ARHGEF40: variants seen among roughly 807,000 people sequenced by gnomAD.
ARHGEF40 encodes the protein Rho guanine nucleotide exchange factor 40, also known as Rho guanine nucleotide exchange factor (GEF) 40.
Under a neutral mutation model 165.9 loss-of-function variants are expected in ARHGEF40, and 98 were observed. The observed-to-expected ratio is 0.59, with a 90% CI of 0.50 to 0.70. ARHGEF40 has a LOEUF of 0.70. ARHGEF40 is among the 30% of genes least tolerant of loss of function. The probability of loss-of-function intolerance (pLI) is 0.00; values close to 1 mark genes in which losing one functional copy is unlikely to be tolerated. For missense variants in ARHGEF40, 1,815 were observed against 1,968.0 expected (o/e 0.92, Z 1.47); for synonymous variants, 792 against 814.3 (o/e 0.97, Z 0.47).
chr14:21,087,294 C>CA, intron 20 of ARHGEF40, 26 bp from the exon 21 acceptor site: 1 of 1,599,030 alleles, frequency 6.3e-7, no homozygotes, highest in East Asian at 2.2e-5. Flanking sequence ...ACCAGCACCC[C>CA]ACCCCCCACT....
Position 21,087,469 on chromosome 14 carries a change from G to A in ARHGEF40, c.4387+6G>A. ...CGTCAAGCAAATTTCCCTGGGTGAG[G>A]CACCTCTCAAGGGGTGGCTCCCAAC... is the stretch of plus-strand genomic sequence containing the variant. On this transcript the variant is annotated splice_donor_region_variant and intron_variant, in intron 21 of 23. Coordinates refer to ENST00000298694, the MANE Select transcript of ARHGEF40 (RefSeq NM_018071.5). The A allele has an allele frequency of 1.2e-6, 2 of 1,600,424 alleles. No individual in the cohort carries two copies. The highest frequency in any genetic ancestry group is 1.7e-6 in the Non-Finnish European group (2 of 1,179,836).
chr14:21,074,652 G>T lies in ARHGEF40; in HGVS notation c.922G>T (p.Glu308Ter). The change falls in exon 3 of 24, where the codon GAG becomes TAG. Residue 308 changes from glutamate (E) to a stop codon, truncating the protein, a stop_gained. Transcript: ENST00000298694. LOFTEE classifies it high-confidence loss of function. This position sits in a 1 kb window ranked among gnomAD's most constrained non-coding sequence, Gnocchi z 4.8. ...RGQDGARPPG[E>*]GSSTGASPES... ...CCAGGATGGAGCACGCCCACCCGGC[G>T]AGGGGAGCAGCACCGGAGCCTCCCC... The T allele has an allele frequency of 6.4e-7, 1 of 1,567,304 alleles. No homozygotes were observed.
At chr14:21,078,822 G>T in intron 10 of ARHGEF40, 62 bp from the exon 11 acceptor site, 1 of 1,583,708 alleles carries the variant, frequency 6.3e-7, no homozygotes, top group Non-Finnish European at 8.6e-7. Flanking sequence ...CAGAGGCACG[G>T]AAGGACAGAA....
the ARHGEF40 span, among the ~76,000 whole-genome samples, chr14:21,062,708 A>AGTGTGTGTGT: frequency 0.042 from 5,509 of 130,940 alleles, 137 homozygotes; most frequent in South Asian, 0.05. Flanking sequence ...GGCTGGGCAC[A>AGTGTGTGTGT]GTGTGTGTGT....
chr14:21,083,076 G>A (rs970773442), intron 16 of ARHGEF40, among the ~76,000 whole-genome samples, 159 bp downstream of exon 16: 2 of 152,188 alleles, frequency 1.3e-5, no homozygotes, highest in African/African-American at 2.4e-5. Context: ...CACCGGACTG[G>A]TGAGGCCAGG....
In ARHGEF40 at chr14:21,082,389, C is replaced by T. The variant is rs1887998657; in HGVS notation, c.3397C>T (p.Leu1133Phe). Residue 1133 changes from leucine to phenylalanine, a missense_variant, in exon 15 of 24, where the codon CTT becomes TTT. Coordinates refer to ENST00000298694, the MANE Select transcript of ARHGEF40 (RefSeq NM_018071.5). Reference sequence around the variant, plus strand: ...TGCTGCCCTGAGTGCCCGGGAAAGGCTTCGCAGCTTCCACCGGACACACTT... The same window carrying T: ...TGCTGCCCTGAGTGCCCGGGAAAGGTTTCGCAGCTTCCACCGGACACACTT... ...WAAALSARER[L>F]RSFHRTHFLR... 1 of 1,611,712 alleles carries T rather than the reference C, an allele frequency of 6.2e-7. No homozygotes were observed. Among genetic ancestry groups the T allele is most frequent in the Non-Finnish European group, 8.5e-7 (1 of 1,179,454 alleles).
At position 21,086,660 on chromosome 14, in the gene ARHGEF40, T is replaced by C. The variant is rs1188633329; in HGVS notation, c.4139-341T>C. On this transcript the variant is annotated intron_variant, in intron 19 of 23. Coordinates refer to ENST00000298694, the MANE Select transcript of ARHGEF40 (RefSeq NM_018071.5). ...AAATATATGGAAGCATCTTGTAAACTGTAAAGGTATGTAAAAATGTGAGGG... is the reference window on the plus strand; with the variant it reads ...AAATATATGGAAGCATCTTGTAAACCGTAAAGGTATGTAAAAATGTGAGGG... 10 of 237,128 alleles carry C rather than the reference T, an allele frequency of 4.2e-5. No individual in the cohort carries two copies. The Admixed American group carries it at 4.4e-4, about 11-fold the overall frequency. 14.7% of individuals were successfully genotyped at this position (237,128 alleles called of 1,614,324 possible).
intron 8 of ARHGEF40, 96 bp downstream of exon 8, chr14:21,076,986 G>C: frequency 9.2e-7 from 1 of 1,088,406 alleles, no homozygotes; most frequent in Non-Finnish European, 1.4e-6. Context: ...CATACCATGA[G>C]GTTGCAAAAA....
At chr14:21,082,795 C>T (rs1292933378) in intron 15 of ARHGEF40, 36 bp from the exon 16 acceptor site, 1 of 1,601,026 alleles carries the variant, frequency 6.2e-7, no homozygotes, top group Non-Finnish European at 8.6e-7. Flanking sequence ...GCAGCGGCCT[C>T]ACCGGGGACT....
intron 8 of ARHGEF40, 103 bp from the exon 9 acceptor site, chr14:21,078,074 A>G: frequency 9.9e-7 from 1 of 1,009,994 alleles, no homozygotes; most frequent in Non-Finnish European, 1.4e-6. Context: ...TGAATTCAGC[A>G]TTGCCTCCAT....
Position 21,083,856 on chromosome 14 carries a change from T to TA in ARHGEF40, c.3596dup (p.Tyr1199Ter). Residue 1199 changes from tyrosine (Y) to a stop codon, truncating the protein, a stop_gained and frameshift_variant, in exon 17 of 24, where the codon TAC becomes TAAC. Coordinates refer to ENST00000298694, the MANE Select transcript of ARHGEF40 (RefSeq NM_018071.5). LOFTEE classifies it high-confidence loss of function. ...CTAGGGCTCCATGGAGGCTGGCCCTTACCTGCCCCGAGCCCTGCAGCAGCC... is the reference window on the plus strand; with the variant it reads ...CTAGGGCTCCATGGAGGCTGGCCCTTAACCTGCCCCGAGCCCTGCAGCAGCC... Reference protein sequence around the residue: ...LSKGSMEAGPYLPRALQQPLE... With the variant: ...LSKGSMEAGP The TA allele has an allele frequency of 6.2e-7, 1 of 1,613,840 alleles. No individual in the cohort carries two copies.
Position 21,083,848 on chromosome 14 carries a change from C to T in ARHGEF40, c.3587C>T (p.Ala1196Val). 1.5e-5 allele frequency: 24 copies of T among 1,613,742 alleles called. No individual in the cohort carries two copies. Among genetic ancestry groups the T allele is most frequent in the Non-Finnish European group, 1.9e-5 (23 of 1,179,910 alleles). ...TCCTCAACCTAGGGCTCCATGGAGGCTGGCCCTTACCTGCCCCGAGCCCTG... is the reference window on the plus strand; with the variant it reads ...TCCTCAACCTAGGGCTCCATGGAGGTTGGCCCTTACCTGCCCCGAGCCCTG... The part of the protein sequence containing the change: ...LSPLSKGSME[A>V]GPYLPRALQQ... The change falls in exon 17 of 24, where the codon GCT (alanine) becomes GTT (valine). Residue 1196 changes from alanine to valine, a missense_variant. Coordinates refer to ENST00000298694, the MANE Select transcript of ARHGEF40 (RefSeq NM_018071.5).
chr14:21,075,673 G>C lies in ARHGEF40; in HGVS notation c.1647G>C (p.Leu549=). Residue 549 remains leucine (L), a synonymous_variant, in exon 5 of 24, where the codon CTG becomes CTC. Transcript: ENST00000298694. The surrounding 1 kb of genome is among the most constrained non-coding windows in gnomAD (Gnocchi z 4.5). The part of the protein sequence containing the change: ...TGGVDQSGRA[L]LTITPPCPPE... Reference sequence around the variant, plus strand: ...GGGTGGACCAGAGTGGGCGAGCTCTGCTGACCATTACCCCACCGTGCCCTC... The same window carrying C: ...GGGTGGACCAGAGTGGGCGAGCTCTCCTGACCATTACCCCACCGTGCCCTC... 3 of 1,613,874 alleles carry C rather than the reference G, an allele frequency of 1.9e-6. No homozygotes were observed. Among genetic ancestry groups the C allele is most frequent in the Non-Finnish European group, 2.5e-6 (3 of 1,179,996 alleles).
In ARHGEF40 at chr14:21,072,122, A is replaced by G. The variant is rs1886983373; in HGVS notation, c.4-923A>G. 6.6e-6 allele frequency among the ~76,000 whole-genome samples: 1 copy of G among 152,158 alleles called. No individual in the cohort carries two copies. The highest frequency in any genetic ancestry group is 1.5e-5 in the Non-Finnish European group (1 of 68,030). On this transcript the variant is annotated intron_variant, in intron 1 of 23. Transcript: ENST00000298694. The surrounding 1 kb of genome is among the most constrained non-coding windows in gnomAD (Gnocchi z 4.1). ...GACTGTCTTGAAAAAGAAGTTTGCA[A>G]AGGAATAGCCCAAGGGGTGGTTGTT...
At position 21,090,148 on chromosome 14, in the gene ARHGEF40, T is replaced by C. The variant is rs1888703960; in HGVS notation, c.*1140T>C. 4.2e-6 allele frequency: 2 copies of C among 472,510 alleles called. No homozygotes were observed. Among genetic ancestry groups the C allele is most frequent in the East Asian group, 6.0e-5 (1 of 16,652 alleles). 29.3% of individuals were successfully genotyped at this position (472,510 alleles called of 1,614,324 possible). ...GGGATGACAGGAATCGTACCAAAAA[T>C]AGCGACGTCTACAGGGCCCCTGATG... is the stretch of plus-strand genomic sequence containing the variant. On this transcript the variant is annotated 3_prime_UTR_variant, in exon 24 of 24. Coordinates refer to ENST00000298694, the MANE Select transcript of ARHGEF40 (RefSeq NM_018071.5). The surrounding 1 kb of genome is among the most constrained non-coding windows in gnomAD (Gnocchi z 4.4).
chr14:21,063,262 G>T, the ARHGEF40 span, among the ~76,000 whole-genome samples: 1 of 152,164 alleles, frequency 6.6e-6, no homozygotes, highest in South Asian at 2.1e-4. Flanking sequence ...ACACACACGT[G>T]TTCAGGGTGA....
chr14:21,088,603 T>C (rs979138427), intron 22 of ARHGEF40, among the ~76,000 whole-genome samples: 2 of 152,104 alleles, frequency 1.3e-5, no homozygotes, highest in Non-Finnish European at 2.9e-5. Flanking sequence ...GGAGGATCTC[T>C]TGAGCCCAGG....
At position 21,084,760 on chromosome 14, in the gene ARHGEF40, T is replaced by C; in HGVS notation, c.3797T>C (p.Leu1266Pro). The C allele has an allele frequency of 1.2e-6, 2 of 1,613,124 alleles. No individual in the cohort carries two copies. Among genetic ancestry groups the C allele is most frequent in the Non-Finnish European group, 1.7e-6 (2 of 1,179,814 alleles). ...TCCTTTTCCTTTCTCCAGATAGATC[T>C]GAAGGAGCAGGGACAGCTCTTGCAT... ...VEAVRGCEID[L>P]KEQGQLLHRD... Residue 1266 changes from leucine (L) to proline (P), a missense_variant, in exon 18 of 24, where the codon CTG (leucine) becomes CCG (proline). Leu to Pro is a moderately conservative substitution (Grantham distance 98, BLOSUM62 -3). Coordinates refer to ENST00000298694, the MANE Select transcript of ARHGEF40 (RefSeq NM_018071.5).
At chr14:21,082,606 C>G (rs1888013251) in intron 15 of ARHGEF40, 128 bp downstream of exon 15, 3 of 1,210,256 alleles carry the variant, frequency 2.5e-6, no homozygotes, top group Non-Finnish European at 3.4e-6. Flanking sequence ...GGGGCCCAGC[C>G]CTGTTCTGTG....
Sources: gnomAD v4.1 joint callset for allele counts (sites outside exome capture counted in the v4.1 genomes callset) on GRCh38, gnomAD v4.1.1 for gene constraint, Gnocchi (gnomAD v3.1) non-coding constraint, MANE v1.5 for transcripts, NCBI Gene and HGNC (gene_info 2026-07-23, HGNC 2026-07-21) for gene names.